KCNQ1: variants seen among roughly 807,000 people sequenced by gnomAD.
KCNQ1 encodes potassium voltage-gated channel subfamily Q member 1, also known as potassium voltage-gated channel subfamily KQT member 1.
Under a neutral mutation model 72.4 loss-of-function variants are expected in KCNQ1, and 49 were observed. The observed-to-expected ratio is 0.68, with a 90% CI of 0.54 to 0.86. The LOEUF (loss-of-function observed/expected upper bound fraction) is 0.86. Among genes scored for constraint, KCNQ1 ranks in the 40% least tolerant of loss-of-function variants. The pLI, the probability that KCNQ1 is intolerant of heterozygous loss-of-function variation, is 0.00. For synonymous variants in KCNQ1, 450 were observed against 412.6 expected, an observed-to-expected ratio of 1.09 and a Z score of -1.10; for missense variants, 790 against 945.1, an observed-to-expected ratio of 0.84 and a Z score of 2.15.
rs138001670 is a variant in KCNQ1, at chr11:2,577,968, C to T, written c.921+4982C>T. On this transcript the variant is annotated intron_variant, in intron 6 of 15. Transcript: ENST00000155840. Reference sequence around the variant, plus strand: ...TTGGCCCTGCCCTCTGTAGTGTCACCCAGGTCAGTGGGGCCCTGTCCTGCC... The same window carrying T: ...TTGGCCCTGCCCTCTGTAGTGTCACTCAGGTCAGTGGGGCCCTGTCCTGCC... Among the ~76,000 whole-genome samples, 106 of 152,286 alleles carry T rather than the reference C, an allele frequency of 7.0e-4. 1 individual carries two copies. The East Asian group carries it at 0.017, about 25-fold the overall frequency.
intron 1 of KCNQ1, among the ~76,000 whole-genome samples, chr11:2,469,158 G>A (rs890341394): frequency 1.3e-5 from 2 of 152,136 alleles, no homozygotes; most frequent in Admixed American, 1.3e-4. Context: ...ACTGTGTGGG[G>A]TCATCTTTTC....
At chr11:2,628,037 C>T in intron 10 of KCNQ1, 1 of 398,662 alleles carries the variant, frequency 2.5e-6, no homozygotes, top group Non-Finnish European at 4.4e-6. Context: ...CAGGTACAAG[C>T]CACCATGCCT....
chr11:2,704,850 G>A lies in KCNQ1; in HGVS notation c.1514+42769G>A, dbSNP rs1590043673. 1.3e-5 allele frequency among the ~76,000 whole-genome samples: 2 copies of A among 152,274 alleles called. No individual in the cohort carries two copies. Among genetic ancestry groups the A allele is most frequent in the East Asian group, 3.9e-4 (2 of 5,180 alleles). ...GCCTAGTGCATGTATGACCACGAGC[G>A]AGCCCAAGGGAAGGACGGGTTTGGA... is the stretch of plus-strand genomic sequence containing the variant. On this transcript the variant is annotated intron_variant, in intron 11 of 15. Transcript: ENST00000155840. This position sits in a 1 kb window ranked among gnomAD's most constrained non-coding sequence, Gnocchi z 4.3.
At chr11:2,694,154 A>ATT in intron 11 of KCNQ1, 1 of 398,670 alleles carries the variant, frequency 2.5e-6, no homozygotes, top group Non-Finnish European at 4.4e-6. Context: ...CTGACCAGGG[A>ATT]AGAGGGTACT....
chr11:2,700,273 G>A (rs1850781906), intron 11 of KCNQ1, among the ~76,000 whole-genome samples: 1 of 152,144 alleles, frequency 6.6e-6, no homozygotes, highest in Middle Eastern at 3.4e-3. Context: ...CCCACCCGTC[G>A]TCCCTGAGCA....
At chr11:2,730,541 T>A (rs1037712072) in intron 11 of KCNQ1, among the ~76,000 whole-genome samples, 1 of 152,056 alleles carries the variant, frequency 6.6e-6, no homozygotes, top group Admixed American at 6.5e-5. Context: ...GCAGGGGTGA[T>A]CTGGAGGAGC....
In KCNQ1 at chr11:2,651,564, TTACC is replaced by T; in HGVS notation, c.1394-10395_1394-10392del. ...CCTGAGAACATGGATATTGTGTTCT[TTACC>T]TCCATGTCTCCAGTGCCTGCCACAT... On this transcript the variant is annotated intron_variant, in intron 10 of 15. Coordinates refer to ENST00000155840, the MANE Select transcript of KCNQ1 (RefSeq NM_000218.3). This position sits in a 1 kb window ranked among gnomAD's most constrained non-coding sequence, Gnocchi z 6.1. 1 of 398,604 alleles carries T rather than the reference TTACC, an allele frequency of 2.5e-6. No individual in the cohort carries two copies. Among genetic ancestry groups the T allele is most frequent in the Non-Finnish European group, 4.4e-6 (1 of 226,072 alleles). The allele number at this position is 398,604 out of a possible 1,614,324, so 24.7% of individuals were successfully genotyped here.
At chr11:2,793,339 G>C (rs1188122531) in intron 15 of KCNQ1, among the ~76,000 whole-genome samples, 1 of 152,212 alleles carries the variant, frequency 6.6e-6, no homozygotes, top group Non-Finnish European at 1.5e-5. Context: ...CAAAACTGAG[G>C]CTGGGCACAG....
At chr11:2,689,592 T>A (rs231352) in intron 11 of KCNQ1, 1 of 398,460 alleles carries the variant, frequency 2.5e-6, no homozygotes, top group South Asian at 1.3e-4. Flanking sequence ...TGGTGTCTTC[T>A]AGATTCTCAA....
chr11:2,729,768 G>A (rs762109324), intron 11 of KCNQ1, among the ~76,000 whole-genome samples: 1 of 152,148 alleles, frequency 6.6e-6, no homozygotes, highest in Non-Finnish European at 1.5e-5. Context: ...GGGTACCTGC[G>A]GGAGGTCCCC....
At chr11:2,696,226 A>G in intron 11 of KCNQ1, 1 of 398,610 alleles carries the variant, frequency 2.5e-6, no homozygotes. Context: ...TTCTCCTATT[A>G]AACAAATGGC....
rs1244420942 is a variant in KCNQ1 at position 2,563,621 on chromosome 11, T to C, written c.478-7007T>C. 6.6e-6 allele frequency among the ~76,000 whole-genome samples: 1 copy of C among 152,232 alleles called. No homozygotes were observed. Among genetic ancestry groups the C allele is most frequent in the African/African-American group, 2.4e-5 (1 of 41,460 alleles). ...GATTTCAGTACCAATAGCGAAGCCGTCAGTGGCAGTGACTGTGCCTTAGGG... is the reference window on the plus strand; with the variant it reads ...GATTTCAGTACCAATAGCGAAGCCGCCAGTGGCAGTGACTGTGCCTTAGGG... On this transcript the variant is annotated intron_variant, in intron 2 of 15. Coordinates refer to ENST00000155840, the MANE Select transcript of KCNQ1 (RefSeq NM_000218.3). This position sits in a 1 kb window ranked among gnomAD's most constrained non-coding sequence, Gnocchi z 7.4.
At chr11:2,802,868 C>T (rs549888758) in intron 15 of KCNQ1, among the ~76,000 whole-genome samples, 1 of 152,362 alleles carries the variant, frequency 6.6e-6, no homozygotes, top group Non-Finnish European at 1.5e-5. Flanking sequence ...TTTCCCCACT[C>T]AGAGTCCAGA....
In KCNQ1 at chr11:2,703,081, C is replaced by T. The variant is rs1208332216; in HGVS notation, c.1514+41000C>T. 2.0e-5 allele frequency among the ~76,000 whole-genome samples: 3 copies of T among 152,146 alleles called. No individual in the cohort carries two copies. The highest frequency in any genetic ancestry group is 4.8e-5 in the African/African-American group (2 of 41,424). On this transcript the variant is annotated intron_variant, in intron 11 of 15. Coordinates refer to ENST00000155840, the MANE Select transcript of KCNQ1 (RefSeq NM_000218.3). This position sits in a 1 kb window ranked among gnomAD's most constrained non-coding sequence, Gnocchi z 6.4. ...GGCTAGAGAAGCATGTGAGGCTGGG[C>T]GGACTCCAGGCCAGCCCCAGAGGCA... is the stretch of plus-strand genomic sequence containing the variant.
In KCNQ1 at chr11:2,628,774, A is replaced by G. The variant is rs77507212; in HGVS notation, c.1394-33187A>G. 12 of 398,190 alleles carry G rather than the reference A, an allele frequency of 3.0e-5. No homozygotes were observed. In the East Asian group the frequency reaches 3.9e-4, roughly 13 times the overall value. 24.7% of individuals were successfully genotyped at this position (398,190 alleles called of 1,614,324 possible). A position where few individuals can be genotyped will look rare whatever the true frequency, so the allele number is the denominator to read the frequency against. ...TTATGGTTTCAGGTCATATGTTTAA[A>G]TCTTATTCACTTTTCTCTACAGTGT... On this transcript the variant is annotated intron_variant, in intron 10 of 15. Coordinates refer to ENST00000155840, the MANE Select transcript of KCNQ1 (RefSeq NM_000218.3).
rs371694536 is a variant in KCNQ1, at chr11:2,788,869, C to T, written c.1794+10832C>T. On this transcript the variant is annotated intron_variant, in intron 15 of 15. Transcript: ENST00000155840. ...TGACGCTGAGCACCGCCACCCTGTT[C>T]CTGCACAGGGGTGGGTGTGTCTGCC... Among the ~76,000 whole-genome samples the T allele has an allele frequency of 1.7e-4, 26 of 152,298 alleles. No homozygotes were observed. In the East Asian group the frequency reaches 3.7e-3, roughly 22 times the overall value.
chr11:2,660,732 T>C (rs946262501), intron 10 of KCNQ1: 15 of 398,512 alleles, frequency 3.8e-5, no homozygotes, highest in African/African-American at 2.9e-4. Context: ...CAACACTTCA[T>C]TCAGGCATGG....
chr11:2,576,005 C>T (rs892062150), intron 6 of KCNQ1, among the ~76,000 whole-genome samples: 27 of 152,260 alleles, frequency 1.8e-4, no homozygotes, highest in African/African-American at 6.5e-4. Flanking sequence ...CCGCCTCTTT[C>T]CTCTGTGTCA....
chr11:2,556,471 C>G (rs1055807093), intron 2 of KCNQ1, among the ~76,000 whole-genome samples: 1 of 152,192 alleles, frequency 6.6e-6, no homozygotes, highest in East Asian at 1.9e-4. Context: ...TTGATTAGCA[C>G]ACGGCCACGT....
Sources: gnomAD v4.1 joint callset for allele counts (sites outside exome capture counted in the v4.1 genomes callset) on GRCh38, gnomAD v4.1.1 for gene constraint, Gnocchi (gnomAD v3.1) non-coding constraint, MANE v1.5 for transcripts, NCBI Gene and HGNC (gene_info 2026-07-23, HGNC 2026-07-21) for gene names.